Variants in C2orf69 observed in about 807,000 individuals in gnomAD.
C2orf69 encodes chromosome 2 open reading frame 69, also known as mitochondrial protein C2orf69.
C2orf69 carries 19 observed loss-of-function variants against 29.5 expected under a neutral mutation model. That is an observed-to-expected ratio of 0.65 (90% CI 0.45 to 0.95). The LOEUF (loss-of-function observed/expected upper bound fraction) is 0.95. C2orf69 is among the 40% of genes least tolerant of loss of function. The probability of loss-of-function intolerance (pLI) is 0.00; values close to 1 mark genes in which losing one functional copy is unlikely to be tolerated. For missense variants in C2orf69, 416 were observed against 482.1 expected, an observed-to-expected ratio of 0.86 and a Z score of 1.28; for synonymous variants, 194 against 180.0, an observed-to-expected ratio of 1.08 and a Z score of -0.62.
intron 1 of C2orf69, among the ~76,000 whole-genome samples, chr2:199,913,006 A>G (rs977497397): frequency 2.7e-5 from 4 of 147,912 alleles, no homozygotes; most frequent in Non-Finnish European, 4.4e-5. Flanking sequence ...TTAAAATGAC[A>G]TACTTAGAAA....
At chr2:199,914,941 A>G (rs998951505) in intron 1 of C2orf69, among the ~76,000 whole-genome samples, 2 of 152,046 alleles carry the variant, frequency 1.3e-5, no homozygotes, top group African/African-American at 2.4e-5. Flanking sequence ...TTACTATACT[A>G]GTTTTCGTTT....
intron 1 of C2orf69, 108 bp downstream of exon 1, chr2:199,911,879 C>A (rs2077264225): frequency 6.9e-7 from 1 of 1,446,180 alleles, no homozygotes. Context: ...TGCCTGAACA[C>A]ACCCACACAT....
intron 1 of C2orf69, among the ~76,000 whole-genome samples, chr2:199,921,005 T>G (rs1460445202): frequency 2.4e-5 from 3 of 124,574 alleles, no homozygotes; most frequent in African/African-American, 9.2e-5. Flanking sequence ...GAATTAGTTT[T>G]TTTTTTTTTT....
chr2:199,919,517 G>A (rs1375847319), intron 1 of C2orf69, among the ~76,000 whole-genome samples: 1 of 152,122 alleles, frequency 6.6e-6, no homozygotes, highest in Non-Finnish European at 1.5e-5. Context: ...TACTTCAGAT[G>A]TGCACTTTAT....
chr2:199,913,181 A>AT (rs1559291940), intron 1 of C2orf69, among the ~76,000 whole-genome samples: 2 of 112,416 alleles, frequency 1.8e-5, no homozygotes, highest in African/African-American at 7.1e-5. Flanking sequence ...TTATATATAA[A>AT]ATTATATATA....
intron 1 of C2orf69, among the ~76,000 whole-genome samples, chr2:199,922,952 C>A (rs546076391): frequency 6.6e-6 from 1 of 152,200 alleles, no homozygotes; most frequent in African/African-American, 2.4e-5. Flanking sequence ...CTCTCCTTTT[C>A]CCCAAACCAT....
intron 1 of C2orf69, among the ~76,000 whole-genome samples, chr2:199,916,643 G>A (rs559077593): frequency 2.0e-5 from 3 of 152,060 alleles, no homozygotes; most frequent in Non-Finnish European, 4.4e-5. Context: ...CAAAACAAAG[G>A]GGCTACAGGC....
At chr2:199,913,095 C>A (rs2077273687) in intron 1 of C2orf69, among the ~76,000 whole-genome samples, 1 of 107,808 alleles carries the variant, frequency 9.3e-6, no homozygotes, top group Non-Finnish European at 1.8e-5. Context: ...TTTTTTTTTC[C>A]AGTTTTTATT....
chr2:199,911,536 T>TGCTCTCA lies in C2orf69; in HGVS notation c.99_100insCTCTCAG (p.Asn34LeufsTer84). 1 of 1,549,756 alleles carries TGCTCTCA rather than the reference T, an allele frequency of 6.5e-7. No homozygotes were observed. Among genetic ancestry groups the TGCTCTCA allele is most frequent in the Non-Finnish European group, 8.7e-7 (1 of 1,146,696 alleles). The stretch of plus-strand genomic sequence containing the variant: ...TCGTCCTGCTCTCAGGCCAGAACCA[T>TGCTCTCA]GAACCCGGGCGGCAGCGGCGGCGCG... On this transcript the variant is annotated frameshift_variant, in exon 1 of 2. Coordinates refer to ENST00000319974, the MANE Select transcript of C2orf69 (RefSeq NM_153689.6). LOFTEE classifies it high-confidence loss of function.
chr2:199,927,068 T>C lies in C2orf69; in HGVS notation c.*1182T>C, dbSNP rs1377044730. 6.6e-6 allele frequency: 1 copy of C among 152,490 alleles called. No individual in the cohort carries two copies. Among genetic ancestry groups the C allele is most frequent in the Non-Finnish European group, 1.5e-5 (1 of 68,004 alleles). 9.4% of individuals were successfully genotyped at this position (152,490 alleles called of 1,614,324 possible). ...GGAAAGTTTGAAGACACAAATGATT[T>C]AATTTTGGCTCAAAAACTGAATTTG... On this transcript the variant is annotated 3_prime_UTR_variant, in exon 2 of 2. Transcript: ENST00000319974.
intron 1 of C2orf69, among the ~76,000 whole-genome samples, chr2:199,913,316 T>TAATATATATTCTATTATAA (rs2077278968): frequency 2.0e-5 from 2 of 102,224 alleles, no homozygotes; most frequent in African/African-American, 8.4e-5. Flanking sequence ...ATAATATATA[T>TAATATATATTCTATTATAA]TATATATAAT....
chr2:199,915,072 T>C (rs12475460), intron 1 of C2orf69, among the ~76,000 whole-genome samples: 6,404 of 152,318 alleles, frequency 0.042, 221 homozygotes, highest in East Asian at 0.17. Flanking sequence ...AAATGAGTAT[T>C]TTTTAATTGC....
intron 1 of C2orf69, among the ~76,000 whole-genome samples, chr2:199,918,558 C>T (rs1442961922): frequency 6.6e-6 from 1 of 152,060 alleles, no homozygotes; most frequent in Non-Finnish European, 1.5e-5. Context: ...GACGGGGTTT[C>T]ACCATGTTGG....
In C2orf69 at chr2:199,927,308, T is replaced by TAAAAAA. The variant is rs57970244; in HGVS notation, c.*1437_*1442dup. 5.2e-5 allele frequency: 6 copies of TAAAAAA among 115,502 alleles called. No individual in the cohort carries two copies. The highest frequency in any genetic ancestry group is 7.2e-5 in the Non-Finnish European group (4 of 55,944). 7.2% of individuals were successfully genotyped at this position (115,502 alleles called of 1,614,324 possible). ...GGGAAGTAACATGCTGCTTTAGGAC[T>TAAAAAA]AAAAAAAAAAAAAAAAAAAAGACAC... is the stretch of plus-strand genomic sequence containing the variant. On this transcript the variant is annotated 3_prime_UTR_variant, in exon 2 of 2. Coordinates refer to ENST00000319974, the MANE Select transcript of C2orf69 (RefSeq NM_153689.6).
At chr2:199,912,067 G>A (rs1191565319) in intron 1 of C2orf69, among the ~76,000 whole-genome samples, 2 of 152,178 alleles carry the variant, frequency 1.3e-5, no homozygotes, top group Non-Finnish European at 2.9e-5. Flanking sequence ...GGAGTGACAC[G>A]CATCTTGTAT....
intron 1 of C2orf69, among the ~76,000 whole-genome samples, chr2:199,914,675 T>C (rs1481015674): frequency 1.3e-5 from 2 of 152,158 alleles, no homozygotes; most frequent in East Asian, 3.9e-4. Flanking sequence ...GGTCTCCTTT[T>C]TCTGTTTACT....
rs1165133809 is a variant in C2orf69 at position 199,925,284 on chromosome 2, C to T, written c.556C>T (p.His186Tyr). The T allele has an allele frequency of 6.2e-7, 1 of 1,611,986 alleles. No homozygotes were observed. The highest frequency in any genetic ancestry group is 2.2e-5 in the East Asian group (1 of 44,856). Residue 186 changes from histidine to tyrosine, a missense_variant, in exon 2 of 2, where the codon CAC (histidine) becomes TAC (tyrosine). By Grantham distance (83) the His-to-Tyr change is moderately conservative (BLOSUM62 2). Around this residue, in one of 4 missense-constraint regions of C2orf69, gnomAD observed 225 missense variants for 307.3 expected, o/e 0.73. Transcript: ENST00000319974. The surrounding 1 kb of genome is among the most constrained non-coding windows in gnomAD (Gnocchi z 4.9). ...CAATACTGACTTTGGAGCTTTTAAG[C>T]ACCTTTATATGTTATTAGTTAATGC... is the stretch of plus-strand genomic sequence containing the variant. ...EHNTDFGAFKHLYMLLVNAFN... is the reference protein window; with the variant it reads ...EHNTDFGAFKYLYMLLVNAFN...
intron 1 of C2orf69, among the ~76,000 whole-genome samples, chr2:199,912,880 A>G (rs1027510813): frequency 6.6e-6 from 1 of 151,874 alleles, no homozygotes; most frequent in Non-Finnish European, 1.5e-5. Context: ...ACTTCAAGTG[A>G]TCTGCCCACC....
intron 1 of C2orf69, among the ~76,000 whole-genome samples, chr2:199,917,326 G>A (rs2077297085): frequency 1.3e-5 from 2 of 152,240 alleles, no homozygotes; most frequent in South Asian, 2.1e-4. Flanking sequence ...TCTTGGTGAT[G>A]AACATTTGGC....
Sources: allele counts gnomAD v4.1 joint callset (sites outside exome capture counted in the v4.1 genomes callset), GRCh38; gene constraint gnomAD v4.1.1; regional missense constraint gnomAD v4.1.1; non-coding constraint Gnocchi (gnomAD v3.1); transcripts MANE v1.5; gene names NCBI Gene and HGNC (gene_info 2026-07-23, HGNC 2026-07-21).